Variants in LIFR observed in about 807,000 individuals in gnomAD.
LIFR encodes leukemia inhibitory factor receptor.
Under a neutral mutation model 122.2 loss-of-function variants are expected in LIFR, and 84 were observed. The ratio of observed to expected loss-of-function variants is 0.69; its 90% CI spans 0.58 to 0.82. LIFR has a LOEUF of 0.82. Among genes scored for constraint, LIFR ranks in the 40% least tolerant of loss-of-function variants. The pLI, the probability that LIFR is intolerant of heterozygous loss-of-function variation, is 0.00. For missense variants in LIFR, 1,294 were observed against 1,311.6 expected (o/e 0.99, Z 0.21); for synonymous variants, 422 against 434.7 (o/e 0.97, Z 0.36).
chr5:38,508,582 C>CTTTTTTTTT (rs1194349104), intron 7 of LIFR, among the ~76,000 whole-genome samples: 1 of 145,198 alleles, frequency 6.9e-6, no homozygotes, highest in African/African-American at 2.5e-5. Context: ...ATTTCTTTTT[C>CTTTTTTTTT]TTTTTTTTTT....
chr5:38,591,262 C>T (rs941061510), intron 1 of LIFR, among the ~76,000 whole-genome samples: 2 of 152,248 alleles, frequency 1.3e-5, no homozygotes, highest in African/African-American at 4.8e-5. Flanking sequence ...GGCCATGTCA[C>T]ATTTTAGTTG....
At chr5:38,524,618 C>T (rs183195191) in intron 4 of LIFR, among the ~76,000 whole-genome samples, 135 of 152,210 alleles carry the variant, frequency 8.9e-4, no homozygotes, top group South Asian at 3.9e-3. Context: ...CAAAAGGAAT[C>T]GGGAATCACT....
chr5:38,505,024 T>C (rs766024748), intron 9 of LIFR, among the ~76,000 whole-genome samples: 21 of 152,100 alleles, frequency 1.4e-4, no homozygotes, highest in African/African-American at 4.8e-4. Context: ...ACATGGACCA[T>C]GGGAATGAAT....
Position 38,482,173 on chromosome 5 carries a change from T to A in LIFR, c.2716A>T (p.Asn906Tyr). 5 of 1,590,038 alleles carry A rather than the reference T, an allele frequency of 3.1e-6. No homozygotes were observed. Among genetic ancestry groups the A allele is most frequent in the African/African-American group, 1.4e-5 (1 of 73,416 alleles). ...CGAGTTTCCAGAACCTCAACATTAT[T>A]TGGGGTACAAGGATTCATTTCCAAT... The part of the protein sequence containing the change: ...KTLEMNPCTP[N>Y]NVEVLETRSA... Residue 906 changes from asparagine to tyrosine, a missense_variant, in exon 20 of 20, where the codon AAT becomes TAT. Physicochemically the swap from Asn to Tyr is moderately radical, Grantham distance 143 (BLOSUM62 -2). Transcript: ENST00000453190.
chr5:38,503,837 G>A, intron 10 of LIFR, 139 bp downstream of exon 10: 1 of 678,014 alleles, frequency 1.5e-6, no homozygotes, highest in Non-Finnish European at 2.6e-6. Context: ...TTATTACATG[G>A]ATAGTAATGT....
At chr5:38,484,048 C>T (rs1432178991) in intron 18 of LIFR, among the ~76,000 whole-genome samples, 2 of 152,192 alleles carry the variant, frequency 1.3e-5, no homozygotes, top group Non-Finnish European at 2.9e-5. Context: ...CCCACTTTCT[C>T]TGAAGGTTTG....
chr5:38,497,790 C>T (rs188862926), intron 12 of LIFR, among the ~76,000 whole-genome samples: 2,344 of 152,136 alleles, frequency 0.015, 40 homozygotes, highest in Middle Eastern at 0.031. Flanking sequence ...ATACGCTTGT[C>T]CATAATACAG....
intron 1 of LIFR, chr5:38,555,169 A>G (rs2112668688): frequency 6.6e-6 from 1 of 152,362 alleles, no homozygotes; most frequent in African/African-American, 2.4e-5. Context: ...GTCAACGTAG[A>G]AGACAACTAA....
chr5:38,597,593 A>G (rs192277057), upstream of LIFR, among the ~76,000 whole-genome samples: 47 of 152,338 alleles, frequency 3.1e-4, no homozygotes, highest in Non-Finnish European at 5.6e-4. Flanking sequence ...AGGTAGTGCT[A>G]CTAGCATCCA....
At chr5:38,602,890 A>G (rs576638708) in intron 2 of LIFR, among the ~76,000 whole-genome samples, 1 of 152,302 alleles carries the variant, frequency 6.6e-6, no homozygotes, top group Admixed American at 6.5e-5. Context: ...ACACCTGGGA[A>G]AAACAACTTC....
chr5:38,503,889 G>A, intron 10 of LIFR, 87 bp downstream of exon 10: 1 of 913,208 alleles, frequency 1.1e-6, no homozygotes, highest in East Asian at 2.4e-5. Context: ...AATAATCTGA[G>A]AGCTTAAGCA....
At chr5:38,553,622 CTATA>C (rs66547796) in intron 1 of LIFR, among the ~76,000 whole-genome samples, 1,968 of 40,894 alleles carry the variant, frequency 0.048, 45 homozygotes, top group Non-Finnish European at 0.073. Context: ...ACCATTTAAA[CTATA>C]TATATATATA....
At chr5:38,578,846 C>A (rs145348632) in intron 1 of LIFR, among the ~76,000 whole-genome samples, 2 of 152,304 alleles carry the variant, frequency 1.3e-5, no homozygotes, top group Admixed American at 1.3e-4. Flanking sequence ...CGTGAGCCAC[C>A]ACGCGCAGCC....
At chr5:38,587,602 G>C (rs1749791464) in intron 1 of LIFR, among the ~76,000 whole-genome samples, 1 of 152,184 alleles carries the variant, frequency 6.6e-6, no homozygotes, top group African/African-American at 2.4e-5. Flanking sequence ...GCAGTGAAAA[G>C]CTATTAAAGA....
At position 38,580,419 on chromosome 5, in the gene LIFR, T is replaced by C. The variant is rs78520506; in HGVS notation, c.-20+14842A>G. 5.9e-3 allele frequency among the ~76,000 whole-genome samples: 892 copies of C among 152,262 alleles called. 8 individuals are homozygous for C. The highest frequency in any genetic ancestry group is 0.021 in the African/African-American group (852 of 41,538). On this transcript the variant is annotated intron_variant, in intron 1 of 19. Transcript: ENST00000263409. The stretch of plus-strand genomic sequence containing the variant: ...CACCTTCCTTTCCCTTATCACTGCC[T>C]CCCAGTCAAAGTTTCTCTGGCTCTT...
At chr5:38,484,154 C>T (rs370908619) in intron 18 of LIFR, among the ~76,000 whole-genome samples, 29 of 152,322 alleles carry the variant, frequency 1.9e-4, no homozygotes, top group African/African-American at 5.5e-4. Flanking sequence ...GCAGACCAGC[C>T]GTGACGGGCC....
intron 14 of LIFR, among the ~76,000 whole-genome samples, chr5:38,492,701 G>C (rs928680416): frequency 2.0e-5 from 3 of 152,168 alleles, no homozygotes; most frequent in Admixed American, 6.5e-5. Context: ...CAGTAAGCAA[G>C]TAGAAAGTGT....
intron 2 of LIFR, among the ~76,000 whole-genome samples, chr5:38,529,476 A>G (rs374099377): frequency 6.6e-6 from 1 of 152,182 alleles, no homozygotes; most frequent in Non-Finnish European, 1.5e-5. Context: ...TTTGAGAAAT[A>G]TATTTTTGGT....
At chr5:38,593,210 AAAAAC>A (rs1021346352) in intron 1 of LIFR, among the ~76,000 whole-genome samples, 12 of 152,142 alleles carry the variant, frequency 7.9e-5, no homozygotes, top group African/African-American at 2.4e-4. Context: ...CTCAAAACCA[AAAAAC>A]AAAACAAAAC....
Sources: gnomAD v4.1 joint callset for allele counts (sites outside exome capture counted in the v4.1 genomes callset) on GRCh38, gnomAD v4.1.1 for gene constraint, MANE v1.5 for transcripts, NCBI Gene and HGNC (gene_info 2026-07-23, HGNC 2026-07-21) for gene names.